Variants in NPTN observed in about 807,000 individuals in gnomAD.
NPTN encodes the protein neuroplastin.
NPTN carries 5 observed loss-of-function variants against 42.7 expected under a neutral mutation model. That is an observed-to-expected ratio of 0.12 (90% CI 0.06 to 0.25). The LOEUF (loss-of-function observed/expected upper bound fraction) is 0.25, where lower values mean the gene tolerates loss of function less well. NPTN is among the 10% of genes least tolerant of loss of function. NPTN has a pLI of 1.00. For missense variants in NPTN, 307 were observed against 525.4 expected (o/e 0.58, Z 4.06); for synonymous variants, 180 against 201.9 (o/e 0.89, Z 0.92).
intron 1 of NPTN, among the ~76,000 whole-genome samples, chr15:73,598,549 ACT>A (rs890454966): frequency 6.6e-6 from 1 of 151,936 alleles, no homozygotes; most frequent in African/African-American, 2.4e-5. Flanking sequence ...GTGCAAGCAT[ACT>A]CTCTCTTACC....
Position 73,597,411 on chromosome 15 carries a change from G to GAAA in NPTN, c.92-45_92-43dup, listed in dbSNP as rs200463196. On this transcript the variant is annotated intron_variant, in intron 1 of 8. Coordinates refer to ENST00000345330, the MANE Select transcript of NPTN (RefSeq NM_012428.4). This position sits in a 1 kb window ranked among gnomAD's most constrained non-coding sequence, Gnocchi z 6.3. ...CAGGAATGCAGTGACAGGCCAATCA[G>GAAA]AAAAAAAAAAAAGAATCAACAGGTG... 19 of 1,017,526 alleles carry GAAA rather than the reference G, an allele frequency of 1.9e-5. No homozygotes were observed. Among genetic ancestry groups the GAAA allele is most frequent in the Middle Eastern group, 2.4e-4 (1 of 4,098 alleles). 63.0% of individuals were successfully genotyped at this position (1,017,526 alleles called of 1,614,324 possible).
intron 4 of NPTN, among the ~76,000 whole-genome samples, chr15:73,577,523 T>TA (rs1895762160): frequency 6.6e-6 from 1 of 152,178 alleles, no homozygotes; most frequent in Non-Finnish European, 1.5e-5. Flanking sequence ...GGGAGAAACT[T>TA]ATAGTTTAAA....
chr15:73,591,145 T>C (rs937064690), intron 3 of NPTN, among the ~76,000 whole-genome samples: 1 of 152,204 alleles, frequency 6.6e-6, no homozygotes, highest in East Asian at 1.9e-4. Flanking sequence ...CAAATTCATT[T>C]GGATCAACTA....
chr15:73,565,220 C>CAGTGTGA (rs1276208231), intron 6 of NPTN, among the ~76,000 whole-genome samples: 1 of 152,190 alleles, frequency 6.6e-6, no homozygotes, highest in Non-Finnish European at 1.5e-5. Flanking sequence ...AATCCACTTT[C>CAGTGTGA]ACACTGACAA....
chr15:73,592,038 G>T lies in NPTN; in HGVS notation c.539C>A (p.Thr180Lys). The change falls in exon 3 of 9, where the codon ACA becomes AAA. Residue 180 changes from threonine to lysine, a missense_variant. Coordinates refer to ENST00000345330, the MANE Select transcript of NPTN (RefSeq NM_012428.4). ...CCCATTCTTTGTCCAGTAGCTGTATGTAAGGGTGTGAGAGCTGGAGGTGAG... is the reference window on the plus strand; with the variant it reads ...CCCATTCTTTGTCCAGTAGCTGTATTTAAGGGTGTGAGAGCTGGAGGTGAG... ...CNLTSSSHTLTYSYWTKNGVE... is the reference protein window; with the variant it reads ...CNLTSSSHTLKYSYWTKNGVE... 1.2e-6 allele frequency: 2 copies of T among 1,614,132 alleles called. No homozygotes were observed. The highest frequency in any genetic ancestry group is 2.2e-5 in the South Asian group (2 of 91,080).
At chr15:73,566,940 G>T in intron 6 of NPTN, 1 of 793,582 alleles carries the variant, frequency 1.3e-6, no homozygotes, top group Non-Finnish European at 1.5e-6. Context: ...AATGCAGGTG[G>T]GTGTTTTCAT....
intron 1 of NPTN, among the ~76,000 whole-genome samples, chr15:73,600,074 A>G (rs1459919320): frequency 6.6e-6 from 1 of 152,226 alleles, no homozygotes; most frequent in Non-Finnish European, 1.5e-5. Context: ...AGTCACAGGT[A>G]GCTGAGAAAC....
Position 73,633,315 on chromosome 15 carries a change from G to A in NPTN, c.-100C>T. ...AGGGGGCGGGCGAGTGCGCGAGGGAGTGAGCGAGGGAGGCAGCCGCGGCTC... is the reference window on the plus strand; with the variant it reads ...AGGGGGCGGGCGAGTGCGCGAGGGAATGAGCGAGGGAGGCAGCCGCGGCTC... On this transcript the variant is annotated 5_prime_UTR_variant, in exon 1 of 9. Coordinates refer to ENST00000345330, the MANE Select transcript of NPTN (RefSeq NM_012428.4). 1 of 888,934 alleles carries A rather than the reference G, an allele frequency of 1.1e-6. No individual in the cohort carries two copies. The allele number at this position is 888,934 out of a possible 1,614,324, so 55.1% of individuals were successfully genotyped here.
intron 3 of NPTN, among the ~76,000 whole-genome samples, chr15:73,590,972 T>C (rs1181461025): frequency 1.3e-5 from 2 of 152,056 alleles, no homozygotes; most frequent in African/African-American, 4.8e-5. Flanking sequence ...GTGGATGGCA[T>C]AGCAGGGAAA....
intron 1 of NPTN, among the ~76,000 whole-genome samples, chr15:73,602,301 C>T (rs1283974544): frequency 6.6e-6 from 1 of 152,148 alleles, no homozygotes; most frequent in Non-Finnish European, 1.5e-5. Flanking sequence ...CCTTCAAACC[C>T]CCTCTACCTC....
Position 73,591,979 on chromosome 15 carries a change from T to C in NPTN, c.598A>G (p.Asn200Asp). Reference protein sequence around the residue: ...ELSATRKNASNMEYRINKPRA... With the variant: ...ELSATRKNASDMEYRINKPRA... ...CACCACTCTCACCTGTACTCCATGT[T>C]GCTGGCATTCTTACGAGTGGCACTC... The change falls in exon 3 of 9, where the codon AAC (asparagine) becomes GAC (aspartate). Residue 200 changes from asparagine (N) to aspartate (D), a missense_variant. Asn to Asp is a conservative substitution (Grantham distance 23, BLOSUM62 1). Coordinates refer to ENST00000345330, the MANE Select transcript of NPTN (RefSeq NM_012428.4). 1 of 1,613,064 alleles carries C rather than the reference T, an allele frequency of 6.2e-7. No homozygotes were observed. Among genetic ancestry groups the C allele is most frequent in the Non-Finnish European group, 8.5e-7 (1 of 1,179,398 alleles).
Position 73,592,197 on chromosome 15 carries a change from C to A in NPTN, c.440-60G>T. ...GCCTTCCATCCTCTGTAGCCCTGGC[C>A]TGAGAGTTGGACGGGGTAGGAGGGG... On this transcript the variant is annotated intron_variant, in intron 2 of 8. Coordinates refer to ENST00000345330, the MANE Select transcript of NPTN (RefSeq NM_012428.4). The A allele has an allele frequency of 5.4e-6, 8 of 1,479,550 alleles. No individual in the cohort carries two copies. In the South Asian group the frequency reaches 1.1e-4, roughly 20 times the overall value. The allele number at this position is 1,479,550 out of a possible 1,614,324, so 91.7% of individuals were successfully genotyped here. A position where few individuals can be genotyped will look rare whatever the true frequency, so the allele number is the denominator to read the frequency against.
intron 6 of NPTN, among the ~76,000 whole-genome samples, chr15:73,566,650 ACCAACACAGAAGGTG>A (rs1222245431): frequency 6.6e-6 from 1 of 152,326 alleles, no homozygotes; most frequent in East Asian, 1.9e-4. Flanking sequence ...TCCGCAGGAC[ACCAACACAGAAGGTG>A]CACCCAAGCA....
intron 4 of NPTN, among the ~76,000 whole-genome samples, chr15:73,584,664 A>T (rs1896225656): frequency 1.3e-5 from 2 of 150,468 alleles, no homozygotes; most frequent in Non-Finnish European, 2.9e-5. Context: ...GCCCTGCTCC[A>T]TCTTCCTTCT....
Position 73,561,983 on chromosome 15 carries a change from A to C in NPTN, c.1137-13T>G. On this transcript the variant is annotated splice_polypyrimidine_tract_variant and intron_variant, in intron 7 of 8. Coordinates refer to ENST00000345330, the MANE Select transcript of NPTN (RefSeq NM_012428.4). Reference sequence around the variant, plus strand: ...AGAGTTGGTTTTCCTTTGGAGGAAAAATTGCATTACATGAGTTAAACTCAG... The same window carrying C: ...AGAGTTGGTTTTCCTTTGGAGGAAACATTGCATTACATGAGTTAAACTCAG... The C allele has an allele frequency of 5.0e-6, 8 of 1,591,136 alleles. No individual in the cohort carries two copies. Among genetic ancestry groups the C allele is most frequent in the Non-Finnish European group, 6.8e-6 (8 of 1,170,732 alleles).
chr15:73,620,997 T>C (rs948516671), intron 1 of NPTN, among the ~76,000 whole-genome samples: 1 of 152,214 alleles, frequency 6.6e-6, no homozygotes, highest in Non-Finnish European at 1.5e-5. Flanking sequence ...CATCAGATTG[T>C]TTTTTCTTCA....
In NPTN at chr15:73,570,082, TG is replaced by T; in HGVS notation, c.1114+67del. The T allele has an allele frequency of 1.3e-6, 2 of 1,483,274 alleles. No individual in the cohort carries two copies. The highest frequency in any genetic ancestry group is 1.8e-6 in the Non-Finnish European group (2 of 1,100,472). The allele number at this position is 1,483,274 out of a possible 1,614,324, so 91.9% of individuals were successfully genotyped here. A position where few individuals can be genotyped will look rare whatever the true frequency, so the allele number is the denominator to read the frequency against. On this transcript the variant is annotated intron_variant, in intron 6 of 8. Coordinates refer to ENST00000345330, the MANE Select transcript of NPTN (RefSeq NM_012428.4). This position sits in a 1 kb window ranked among gnomAD's most constrained non-coding sequence, Gnocchi z 4.0. ...ATCCCAACATCCCTATAGTCCTCTT[TG>T]GGTACTTGGAAACCACCCGAAGGAA...
intron 4 of NPTN, among the ~76,000 whole-genome samples, chr15:73,580,401 T>TATATATATAATATATATATA: frequency 9.4e-6 from 1 of 106,050 alleles, no homozygotes; most frequent in African/African-American, 4.1e-5. Context: ...ATATATATAT[T>TATATATATAATATATATATA]ATATATATAA....
At chr15:73,565,734 A>G in intron 6 of NPTN, 1 of 456,410 alleles carries the variant, frequency 2.2e-6, no homozygotes, top group Non-Finnish European at 4.4e-6. Context: ...TGGAAACAAG[A>G]TGCTTCTGGA....
Sources: allele counts gnomAD v4.1 joint callset (sites outside exome capture counted in the v4.1 genomes callset), GRCh38; gene constraint gnomAD v4.1.1; non-coding constraint Gnocchi (gnomAD v3.1); transcripts MANE v1.5; gene names NCBI Gene and HGNC (gene_info 2026-07-23, HGNC 2026-07-21).